The following CCDC171 variants were observed in gnomAD, a reference collection of about 807,000 sequenced individuals.
CCDC171 encodes the protein coiled-coil domain containing 171.
CCDC171 carries 177 observed loss-of-function variants against 168.2 expected under a neutral mutation model. The ratio of observed to expected loss-of-function variants is 1.05; its 90% CI spans 0.93 to 1.19. CCDC171 has a LOEUF of 1.19. Ranked by LOEUF, CCDC171 falls within the 50% of genes most tolerant of loss-of-function variation. The pLI is 0.00. For synonymous variants in CCDC171, 687 were observed against 540.8 expected (o/e 1.27, Z -3.75); for missense variants, 1,991 against 1,539.0 (o/e 1.29, Z -4.91).
At chr9:15,749,583 C>T (rs1051744022) in intron 18 of CCDC171, among the ~76,000 whole-genome samples, 1 of 152,124 alleles carries the variant, frequency 6.6e-6, no homozygotes, top group Non-Finnish European at 1.5e-5. Context: ...TAAAACACTC[C>T]TCAGCAAAAG....
the CCDC171 span, among the ~76,000 whole-genome samples, chr9:16,094,493 A>T: frequency 6.6e-6 from 1 of 152,172 alleles, no homozygotes; most frequent in Admixed American, 6.5e-5. Context: ...GGCCCAGCAG[A>T]ACCTGATGAC....
At chr9:16,016,347 C>T (rs1200572581) in intron 3 of CCDC171, among the ~76,000 whole-genome samples, 1 of 152,122 alleles carries the variant, frequency 6.6e-6, no homozygotes, top group Non-Finnish European at 1.5e-5. Context: ...CTTCCCTCAG[C>T]CTCTTTTAGA....
At chr9:15,736,096 G>A (rs1588203755) in intron 16 of CCDC171, among the ~76,000 whole-genome samples, 1 of 152,036 alleles carries the variant, frequency 6.6e-6, no homozygotes, top group Non-Finnish European at 1.5e-5. Flanking sequence ...ACTTACTTGT[G>A]TAGTAAGGAA....
intron 3 of CCDC171, among the ~76,000 whole-genome samples, chr9:16,010,521 T>A (rs115487323): frequency 0.012 from 1,768 of 152,008 alleles, 36 homozygotes; most frequent in African/African-American, 0.04. Flanking sequence ...GCCCTCTCGC[T>A]CCCCCTCAGT....
In CCDC171 at chr9:15,662,814, A is replaced by G. The variant is rs1378721864; in HGVS notation, c.916-3349A>G. Among the ~76,000 whole-genome samples, 8 of 148,314 alleles carry G rather than the reference A, an allele frequency of 5.4e-5. No homozygotes were observed. In the South Asian group the frequency reaches 1.3e-3, roughly 24 times the overall value. On this transcript the variant is annotated intron_variant, in intron 8 of 25. Transcript: ENST00000380701. ...AACATGGTGAAACCCCATCTCTACTAAAAAAAAAATACCAAAATTAGCTGG... is the reference window on the plus strand; with the variant it reads ...AACATGGTGAAACCCCATCTCTACTGAAAAAAAAATACCAAAATTAGCTGG...
At chr9:16,003,416 T>C (rs1589315681) in intron 3 of CCDC171, among the ~76,000 whole-genome samples, 2 of 152,296 alleles carry the variant, frequency 1.3e-5, no homozygotes, top group Non-Finnish European at 2.9e-5. Flanking sequence ...AATGGAAATT[T>C]GCACTAAATT....
intron 22 of CCDC171, among the ~76,000 whole-genome samples, chr9:15,847,746 A>G (rs548246197): frequency 2.0e-5 from 3 of 152,102 alleles, no homozygotes; most frequent in Admixed American, 1.3e-4. Context: ...TATAGTCTGT[A>G]AACTGCAGAA....
intron 23 of CCDC171, among the ~76,000 whole-genome samples, chr9:15,864,455 CCCCCGCT>C (rs1220522408): frequency 6.6e-6 from 1 of 151,984 alleles, no homozygotes; most frequent in Non-Finnish European, 1.5e-5. Context: ...GCTATCCCTC[CCCCCGCT>C]CCCCGCACCC....
intron 3 of CCDC171, among the ~76,000 whole-genome samples, chr9:16,019,360 C>A (rs1232950682): frequency 6.6e-6 from 1 of 152,142 alleles, no homozygotes; most frequent in African/African-American, 2.4e-5. Context: ...AATTGTATGA[C>A]CTCTGTTAGT....
At chr9:15,785,980 T>A (rs966604506) in intron 21 of CCDC171, among the ~76,000 whole-genome samples, 1 of 152,062 alleles carries the variant, frequency 6.6e-6, no homozygotes, top group Non-Finnish European at 1.5e-5. Context: ...TCAGGAAAAT[T>A]AGAAAATTTT....
chr9:15,637,740 A>G (rs967748733), intron 7 of CCDC171, among the ~76,000 whole-genome samples: 1 of 151,270 alleles, frequency 6.6e-6, no homozygotes, highest in Non-Finnish European at 1.5e-5. Context: ...TGTCCTTGCG[A>G]TAGTTTACTG....
intron 7 of CCDC171, among the ~76,000 whole-genome samples, chr9:15,630,118 A>C (rs1490216271): frequency 6.6e-6 from 1 of 152,218 alleles, no homozygotes; most frequent in Non-Finnish European, 1.5e-5. Flanking sequence ...AACTGCATCA[A>C]CTAATGAGCA....
chr9:15,740,025 C>T (rs781045665), intron 16 of CCDC171, among the ~76,000 whole-genome samples: 6 of 152,164 alleles, frequency 3.9e-5, no homozygotes, highest in East Asian at 1.9e-4. Context: ...GTTTGAGCCA[C>T]CGTGCCTGGC....
chr9:15,836,785 T>G (rs1036880543), intron 21 of CCDC171, among the ~76,000 whole-genome samples: 1 of 152,242 alleles, frequency 6.6e-6, no homozygotes, highest in Non-Finnish European at 1.5e-5. Context: ...GGACAGGGTA[T>G]ATATAATCTT....
intron 25 of CCDC171, among the ~76,000 whole-genome samples, chr9:15,930,977 C>T (rs1410532942): frequency 6.6e-6 from 1 of 151,474 alleles, no homozygotes; most frequent in African/African-American, 2.4e-5. Flanking sequence ...CATTCAAAGC[C>T]TCTCTTCTAG....
At chr9:16,107,091 C>G in the CCDC171 span, among the ~76,000 whole-genome samples, 1 of 152,144 alleles carries the variant, frequency 6.6e-6, no homozygotes, top group Non-Finnish European at 1.5e-5. Flanking sequence ...GTTTCTCAAC[C>G]CTTTTCTGAT....
rs902414046 is a variant in CCDC171, at chr9:15,623,470, C to T, written c.822+57C>T. ...GCGTACAAACTTTCACATATGCGCG[C>T]GCGCGCACACACACACACACACACA... On this transcript the variant is annotated intron_variant, in intron 7 of 25. Transcript: ENST00000380701. The T allele has an allele frequency of 1.3e-4, 97 of 753,520 alleles. 1 individual carries two copies. Among genetic ancestry groups the T allele is most frequent in the African/African-American group, 2.1e-4 (10 of 48,342 alleles). The allele number at this position is 753,520 out of a possible 1,614,324, so 46.7% of individuals were successfully genotyped here. A position where few individuals can be genotyped will look rare whatever the true frequency, so the allele number is the denominator to read the frequency against.
At chr9:15,631,249 G>A (rs2045664291) in intron 7 of CCDC171, among the ~76,000 whole-genome samples, 1 of 151,396 alleles carries the variant, frequency 6.6e-6, no homozygotes, top group African/African-American at 2.4e-5. Flanking sequence ...TTTTTGAAAA[G>A]ATCAACAAAA....
chr9:15,799,135 CATATATAT>C (rs57651824), intron 21 of CCDC171, among the ~76,000 whole-genome samples: 19,148 of 108,940 alleles, frequency 0.18, 1,879 homozygotes, highest in Middle Eastern at 0.25. Context: ...TCATCATTGC[CATATATAT>C]ATATATATAT....
Sources: gnomAD v4.1 joint callset for allele counts (sites outside exome capture counted in the v4.1 genomes callset) on GRCh38, gnomAD v4.1.1 for gene constraint, MANE v1.5 for transcripts, NCBI Gene and HGNC (gene_info 2026-07-23, HGNC 2026-07-21) for gene names.